The following TGM3 variants were observed in gnomAD, a reference collection of about 807,000 sequenced individuals.
The protein encoded by TGM3 is transglutaminase 3.
A neutral mutation model predicts 73.8 loss-of-function variants in TGM3; 52 were observed. The ratio of observed to expected loss-of-function variants is 0.70; its 90% CI spans 0.56 to 0.89. The LOEUF (loss-of-function observed/expected upper bound fraction) is 0.89. Among genes scored for constraint, TGM3 ranks in the 40% least tolerant of loss-of-function variants. TGM3 has a pLI of 0.00. For synonymous variants in TGM3, 372 were observed against 354.9 expected (o/e 1.05, Z -0.54); for missense variants, 928 against 909.9 (o/e 1.02, Z -0.26).
In TGM3 at chr20:2,309,698, C is replaced by G. The variant is rs373027296; in HGVS notation, c.49C>G (p.Arg17Gly). Residue 17 changes from arginine (R) to glycine (G), a missense_variant, in exon 2 of 13, where the codon CGA (arginine) becomes GGA (glycine). By Grantham distance (125) the Arg-to-Gly change is moderately radical. Coordinates refer to ENST00000381458, the MANE Select transcript of TGM3 (RefSeq NM_003245.4). ...TATCAACTGGCAGACGGCCTTCAAC[C>G]GACAAGCGCATCACACAGACAAGTT... ...QSINWQTAFNRQAHHTDKFSS... is the reference protein window; with the variant it reads ...QSINWQTAFNGQAHHTDKFSS... 6.2e-7 allele frequency: 1 copy of G among 1,614,024 alleles called. No individual in the cohort carries two copies. The highest frequency in any genetic ancestry group is 8.5e-7 in the Non-Finnish European group (1 of 1,180,026).
intron 8 of TGM3, among the ~76,000 whole-genome samples, chr20:2,326,204 A>G (rs1242639809): frequency 1.3e-5 from 2 of 152,250 alleles, no homozygotes; most frequent in Non-Finnish European, 2.9e-5. Context: ...AGGTGGGCAG[A>G]GAGAGCAGCC....
intron 8 of TGM3, 42 bp downstream of exon 8, chr20:2,325,994 T>G: frequency 6.5e-7 from 1 of 1,549,130 alleles, no homozygotes; most frequent in Non-Finnish European, 8.8e-7. Flanking sequence ...AGCCTCACAG[T>G]TATTTACAGC....
At position 2,335,167 on chromosome 20, in the gene TGM3, AG is replaced by A. The variant is rs751692371; in HGVS notation, c.1695del (p.Lys565AsnfsTer5). The part of the protein sequence containing the change: ...ISYAQYEKYL[K>X]SDNMIRITAV... ...TACGCTCAGTATGAGAAGTACCTGA[AG>A]TCAGACAACATGATCCGGATCACAG... On this transcript the variant is annotated frameshift_variant, in exon 11 of 13. Coordinates refer to ENST00000381458, the MANE Select transcript of TGM3 (RefSeq NM_003245.4). LOFTEE classifies it high-confidence loss of function. 15 of 1,614,130 alleles carry A rather than the reference AG, an allele frequency of 9.3e-6. No individual in the cohort carries two copies. Among genetic ancestry groups the A allele is most frequent in the Non-Finnish European group, 1.3e-5 (15 of 1,180,046 alleles).
chr20:2,311,569 C>A (rs1213974676), intron 4 of TGM3, among the ~76,000 whole-genome samples: 1 of 152,172 alleles, frequency 6.6e-6, no homozygotes, highest in Non-Finnish European at 1.5e-5. Flanking sequence ...TTTATTACAG[C>A]AATCCCCATT....
chr20:2,309,600 C>T, intron 1 of TGM3, 57 bp from the exon 2 acceptor site: 2 of 1,587,228 alleles, frequency 1.3e-6, no homozygotes, highest in Non-Finnish European at 1.7e-6. Flanking sequence ...TACACCCTTC[C>T]CCCACACCAC....
At chr20:2,326,844 G>A (rs938056502) in intron 8 of TGM3, among the ~76,000 whole-genome samples, 3 of 143,202 alleles carry the variant, frequency 2.1e-5, no homozygotes, top group African/African-American at 5.9e-5. Context: ...GCAAGACTCC[G>A]TCTAAAAAAA....
At position 2,296,056 on chromosome 20, in the gene TGM3, G is replaced by T; in HGVS notation, c.-8G>T. 6.4e-7 allele frequency: 1 copy of T among 1,551,364 alleles called. No individual in the cohort carries two copies. Among genetic ancestry groups the T allele is most frequent in the Non-Finnish European group, 8.7e-7 (1 of 1,146,980 alleles). On this transcript the variant is annotated 5_prime_UTR_variant, in exon 1 of 13. The change creates a new upstream start codon in the 5' untranslated region. Coordinates refer to ENST00000381458, the MANE Select transcript of TGM3 (RefSeq NM_003245.4). ...AGGAGCCTGAGAAGAGGCAGAGGAA[G>T]GCGAAACATGGCTGGTGAGTGCATG...
chr20:2,303,233 G>A (rs929307955), intron 1 of TGM3, among the ~76,000 whole-genome samples: 4 of 152,022 alleles, frequency 2.6e-5, no homozygotes, highest in African/African-American at 4.8e-5. Context: ...CCCGGAAGGC[G>A]GAGGTTGCAG....
At chr20:2,340,071 A>C in intron 12 of TGM3, 84 bp downstream of exon 12, 6 of 1,491,326 alleles carry the variant, frequency 4.0e-6, no homozygotes, top group Non-Finnish European at 4.6e-6. Flanking sequence ...GGACAGACAG[A>C]GCTCCCTCTG....
chr20:2,328,425 G>A lies in TGM3; in HGVS notation c.1333+60G>A. On this transcript the variant is annotated intron_variant, in intron 9 of 12. Coordinates refer to ENST00000381458, the MANE Select transcript of TGM3 (RefSeq NM_003245.4). The surrounding 1 kb of genome is among the most constrained non-coding windows in gnomAD (Gnocchi z 5.2). Reference sequence around the variant, plus strand: ...GGTTCTATTGTGGGAGGATGGCTCTGAGGCTGGAGAGGAGAAAAGTCCTCA... The same window carrying A: ...GGTTCTATTGTGGGAGGATGGCTCTAAGGCTGGAGAGGAGAAAAGTCCTCA... The A allele has an allele frequency of 6.3e-7, 1 of 1,596,356 alleles. No homozygotes were observed. Among genetic ancestry groups the A allele is most frequent in the Non-Finnish European group, 8.5e-7 (1 of 1,170,208 alleles).
At chr20:2,325,797 C>T (rs2084283907) in intron 7 of TGM3, 52 bp from the exon 8 acceptor site, 7 of 1,279,152 alleles carry the variant, frequency 5.5e-6, no homozygotes, top group Non-Finnish European at 5.6e-6. Context: ...TCTTGCCACT[C>T]ATCTGCTGTG....
intron 1 of TGM3, among the ~76,000 whole-genome samples, chr20:2,300,383 C>T (rs1392486688): frequency 6.6e-6 from 1 of 152,140 alleles, no homozygotes; most frequent in Admixed American, 6.5e-5. Context: ...TTCTGGGCAG[C>T]TGGGGTTGAG....
chr20:2,310,481 G>A (rs1045813996), intron 3 of TGM3, 64 bp downstream of exon 3: 6 of 1,584,532 alleles, frequency 3.8e-6, no homozygotes, highest in East Asian at 2.2e-5. Context: ...AGGGGATGGG[G>A]GAAATGATCT....
chr20:2,309,943 C>T (rs2084194423), intron 2 of TGM3, 113 bp downstream of exon 2: 3 of 1,469,656 alleles, frequency 2.0e-6, no homozygotes, highest in African/African-American at 1.4e-5. Flanking sequence ...TCTAGCCTTG[C>T]TCTGTCATTG....
intron 1 of TGM3, among the ~76,000 whole-genome samples, chr20:2,299,039 C>G (rs1201219417): frequency 1.3e-5 from 2 of 152,218 alleles, no homozygotes; most frequent in East Asian, 3.9e-4. Context: ...TGTAGGATTC[C>G]TTACAGGATA....
At chr20:2,330,140 T>A (rs1201266286) in intron 9 of TGM3, among the ~76,000 whole-genome samples, 1 of 152,164 alleles carries the variant, frequency 6.6e-6, no homozygotes, top group Non-Finnish European at 1.5e-5. Context: ...GCCCAGATCT[T>A]CTTACCTAAT....
chr20:2,332,838 T>C lies in TGM3; in HGVS notation c.1642+528T>C, dbSNP rs1220124087. Among the ~76,000 whole-genome samples, 2 of 152,162 alleles carry C rather than the reference T, an allele frequency of 1.3e-5. No individual in the cohort carries two copies. The highest frequency in any genetic ancestry group is 2.9e-5 in the Non-Finnish European group (2 of 68,028). ...ACCCCCACTCCCACAACAAATCGCT[T>C]TTCAAATTTGACCTCAGGAGGGTGG... On this transcript the variant is annotated intron_variant, in intron 10 of 12. Coordinates refer to ENST00000381458, the MANE Select transcript of TGM3 (RefSeq NM_003245.4). This position sits in a 1 kb window ranked among gnomAD's most constrained non-coding sequence, Gnocchi z 4.4.
rs375593105 is a variant in TGM3 at position 2,328,218 on chromosome 20, G to T, written c.1186G>T (p.Asp396Tyr). The T allele has an allele frequency of 6.2e-7, 1 of 1,614,090 alleles. No individual in the cohort carries two copies. Among genetic ancestry groups the T allele is most frequent in the South Asian group, 1.1e-5 (1 of 91,042 alleles). The change falls in exon 9 of 13, where the codon GAC (aspartate) becomes TAC (tyrosine). Residue 396 changes from aspartate to tyrosine, a missense_variant. Asp to Tyr is a radical substitution (Grantham distance 160). Transcript: ENST00000381458. This position sits in a 1 kb window ranked among gnomAD's most constrained non-coding sequence, Gnocchi z 5.2. ...CTTTATCTTCGCGGAGGTTAATGCC[G>T]ACCGCATCACCTGGCTGTACGACAA... Reference protein sequence around the residue: ...MPFIFAEVNADRITWLYDNTT... With the variant: ...MPFIFAEVNAYRITWLYDNTT...
In TGM3 at chr20:2,328,260, T is replaced by C; in HGVS notation, c.1228T>C (p.Trp410Arg). 6.2e-7 allele frequency: 1 copy of C among 1,613,980 alleles called. No homozygotes were observed. ...GTACGACAACACCACTGGCAAACAG[T>C]GGAAGAATTCCGTGAACAGTCACAC... ...WLYDNTTGKQ[W>R]KNSVNSHTIG... Residue 410 changes from tryptophan (W) to arginine (R), a missense_variant, in exon 9 of 13, where the codon TGG becomes CGG. Trp to Arg is a moderately radical substitution (Grantham distance 101). Coordinates refer to ENST00000381458, the MANE Select transcript of TGM3 (RefSeq NM_003245.4). This position sits in a 1 kb window ranked among gnomAD's most constrained non-coding sequence, Gnocchi z 5.2.
Sources: allele counts gnomAD v4.1 joint callset (sites outside exome capture counted in the v4.1 genomes callset), GRCh38; gene constraint gnomAD v4.1.1; non-coding constraint Gnocchi (gnomAD v3.1); transcripts MANE v1.5; gene names NCBI Gene and HGNC (gene_info 2026-07-23, HGNC 2026-07-21).